The following CLEC20A variants were observed in gnomAD, a reference collection of about 807,000 sequenced individuals.
CLEC20A encodes the protein putative C-type lectin domain family 20 member A.
chr1:178,485,905 A>C (rs1281342912), intron 5 of CLEC20A, among the ~76,000 whole-genome samples: 7 of 152,176 alleles, frequency 4.6e-5, no homozygotes, highest in African/African-American at 1.7e-4. Context: ...TATTAAGGAG[A>C]GAGGTGGGAG....
chr1:178,489,041 T>C (rs1319300074), intron 4 of CLEC20A, among the ~76,000 whole-genome samples: 2 of 152,130 alleles, frequency 1.3e-5, no homozygotes, highest in African/African-American at 4.8e-5. Context: ...GTGAATATTC[T>C]AAAAGCCACT....
chr1:178,485,801 A>G (rs1223699113), intron 5 of CLEC20A, among the ~76,000 whole-genome samples: 1 of 152,248 alleles, frequency 6.6e-6, no homozygotes, highest in Non-Finnish European at 1.5e-5. Context: ...AAAGAAGTAC[A>G]GAACAGCCCC....
chr1:178,487,606 T>C (rs751007063), intron 5 of CLEC20A, among the ~76,000 whole-genome samples: 7 of 152,102 alleles, frequency 4.6e-5, no homozygotes, highest in Non-Finnish European at 8.8e-5. Flanking sequence ...CTTCTCAGCG[T>C]CCCCACCACG....
intron 4 of CLEC20A, among the ~76,000 whole-genome samples, chr1:178,489,732 G>A (rs866326623): frequency 7.2e-5 from 11 of 152,314 alleles, no homozygotes; most frequent in South Asian, 2.1e-4. Flanking sequence ...AGGAGGCTCC[G>A]AGATGCTGCC....
intron 2 of CLEC20A, among the ~76,000 whole-genome samples, chr1:178,492,985 CA>C (rs1366278963): frequency 1.3e-5 from 2 of 152,220 alleles, no homozygotes; most frequent in African/African-American, 2.4e-5. Flanking sequence ...TAAGTGCTGC[CA>C]GGTCCTCCTG....
chr1:178,482,550 C>T (rs1374889197), intron 6 of CLEC20A, 153 bp from the exon 7 acceptor site: 1 of 395,422 alleles, frequency 2.5e-6, no homozygotes, highest in Non-Finnish European at 4.5e-6. Flanking sequence ...GAAGAATGCT[C>T]AGCCACAATT....
At chr1:178,491,802 G>A (rs1479708577) in intron 3 of CLEC20A, among the ~76,000 whole-genome samples, 3 of 152,126 alleles carry the variant, frequency 2.0e-5, no homozygotes, top group African/African-American at 7.2e-5. Context: ...AATACCAGAG[G>A]GGACTATTTC....
intron 3 of CLEC20A, among the ~76,000 whole-genome samples, chr1:178,491,851 T>C (rs560960285): frequency 8.0e-4 from 122 of 152,304 alleles, no homozygotes; most frequent in African/African-American, 2.9e-3. Flanking sequence ...GAGCAGGTAC[T>C]TGGGCTGTGA....
chr1:178,498,277 T>TAGG (rs1301376897), upstream of CLEC20A, among the ~76,000 whole-genome samples: 1 of 152,120 alleles, frequency 6.6e-6, no homozygotes, highest in South Asian at 2.1e-4. Flanking sequence ...AGGCCCAGTC[T>TAGG]AGGCTCTGAC....
chr1:178,483,699 C>G (rs1458148318), intron 5 of CLEC20A: 8 of 153,356 alleles, frequency 5.2e-5, no homozygotes, highest in South Asian at 2.1e-4. Flanking sequence ...AAACCAAGTT[C>G]AGGCTCTCCC....
At chr1:178,498,434 T>C (rs1394652511), upstream of CLEC20A, among the ~76,000 whole-genome samples, 1 of 151,886 alleles carries the variant, frequency 6.6e-6, no homozygotes, top group African/African-American at 2.4e-5. Flanking sequence ...TCTACAAAAA[T>C]TATAAATTAG....
chr1:178,497,919 G>C (rs1213687106), upstream of CLEC20A, among the ~76,000 whole-genome samples: 3 of 152,008 alleles, frequency 2.0e-5, no homozygotes, highest in Non-Finnish European at 4.4e-5. Flanking sequence ...GGGTCCTCAG[G>C]GTCAGAGGAG....
chr1:178,494,917 A>G (rs1183645868), intron 1 of CLEC20A, 107 bp from the exon 2 acceptor site: 1 of 397,278 alleles, frequency 2.5e-6, no homozygotes, highest in Non-Finnish European at 4.4e-6. Context: ...CTTCCCGCCC[A>G]CTCTGCACTT....
chr1:178,492,143 G>T (rs1382598415), intron 3 of CLEC20A, among the ~76,000 whole-genome samples: 1 of 152,052 alleles, frequency 6.6e-6, no homozygotes, highest in Non-Finnish European at 1.5e-5. Context: ...AAATTAGCTG[G>T]GCATGGTGGC....
intron 3 of CLEC20A, among the ~76,000 whole-genome samples, chr1:178,492,179 G>A (rs1649280506): frequency 6.6e-6 from 1 of 152,156 alleles, no homozygotes; most frequent in Admixed American, 6.5e-5. Flanking sequence ...CAGCTACTCA[G>A]GAGGCTGAGG....
Position 178,485,035 on chromosome 1 carries a change from A to G in CLEC20A, c.929-1753T>C, listed in dbSNP as rs182367994. Reference sequence around the variant, plus strand: ...ATAAATGTGTAAAATTCAGAAACACAGAAGAGGAGGAAACATCTGTATTTT... The same window carrying G: ...ATAAATGTGTAAAATTCAGAAACACGGAAGAGGAGGAAACATCTGTATTTT... On this transcript the variant is annotated intron_variant, in intron 5 of 7. Coordinates refer to ENST00000623247, the Ensembl canonical transcript of CLEC20A. Among the ~76,000 whole-genome samples the G allele has an allele frequency of 3.4e-3, 517 of 151,842 alleles. 4 individuals carry two copies. Among genetic ancestry groups the G allele is most frequent in the African/African-American group, 0.012 (501 of 41,570 alleles).
chr1:178,494,856 C>A (rs537574706), intron 1 of CLEC20A, 46 bp from the exon 2 acceptor site: 3 of 399,060 alleles, frequency 7.5e-6, no homozygotes, highest in African/African-American at 6.2e-5. Flanking sequence ...CCACCCCAGC[C>A]CCTAGTCCTC....
At chr1:178,496,769 AT>A in intron 1 of CLEC20A, 130 bp downstream of exon 1, 1 of 398,234 alleles carries the variant, frequency 2.5e-6, no homozygotes, top group Non-Finnish European at 4.4e-6. Flanking sequence ...GTTGAAAAGC[AT>A]TCATTTCTTT....
intron 5 of CLEC20A, 115 bp downstream of exon 5, chr1:178,488,386 C>A: frequency 2.5e-6 from 1 of 397,104 alleles, no homozygotes; most frequent in Non-Finnish European, 4.4e-6. Context: ...TAGCTCACCC[C>A]TTTTCTAGGC....
Sources: gnomAD v4.1 joint callset for allele counts (sites outside exome capture counted in the v4.1 genomes callset) on GRCh38, gnomAD v4.1.1 for gene constraint, MANE v1.5 for transcripts, NCBI Gene and HGNC (gene_info 2026-07-23, HGNC 2026-07-21) for gene names.